Variants in LMF1 observed in about 807,000 individuals in gnomAD.
LMF1 encodes transmembrane protein 112.
In LMF1, 68 loss-of-function variants were observed where a neutral mutation model predicts 60.6. That is an observed-to-expected ratio of 1.12 (90% CI 0.92 to 1.37). The LOEUF is 1.37. Ranked by LOEUF, LMF1 falls within the 40% of genes most tolerant of loss-of-function variation. LMF1 has a pLI of 0.00. For synonymous variants in LMF1, 418 were observed against 324.7 expected (o/e 1.29, Z -3.09); for missense variants, 948 against 767.2 (o/e 1.24, Z -2.78).
chr16:871,271 A>G lies in LMF1; in HGVS notation c.968T>C (p.Phe323Ser). The change falls in exon 7 of 11, where the codon TTT becomes TCT. Residue 323 changes from phenylalanine (F) to serine (S), a missense_variant. Phe to Ser is a radical substitution (Grantham distance 155). Transcript: ENST00000262301. ...CAAGAATCCCAGGGTGGCGTCATCA[A>G]AGCAGGCCAGGCTGGGCACCATAGT... ...WLTMVPSLAC[F>S]DDATLGFLFP... The G allele has an allele frequency of 6.2e-7, 1 of 1,612,596 alleles. No individual in the cohort carries two copies. The highest frequency in any genetic ancestry group is 8.5e-7 in the Non-Finnish European group (1 of 1,179,810).
intron 3 of LMF1, among the ~76,000 whole-genome samples, chr16:915,325 C>T (rs1186081010): frequency 6.6e-6 from 1 of 152,192 alleles, no homozygotes; most frequent in Non-Finnish European, 1.5e-5. Flanking sequence ...CAGGGTGGTG[C>T]GGAGAGCCCT....
chr16:926,471 T>C (rs1195613399), intron 3 of LMF1, among the ~76,000 whole-genome samples: 1 of 152,236 alleles, frequency 6.6e-6, no homozygotes, highest in Admixed American at 6.5e-5. Context: ...CATACGTGTG[T>C]CTGTGTGTGC....
intron 2 of LMF1, among the ~76,000 whole-genome samples, chr16:942,615 G>A (rs142472754): frequency 0.013 from 1,769 of 139,476 alleles, 23 homozygotes; most frequent in South Asian, 0.099. Flanking sequence ...CATTCTCTGC[G>A]TCCTCTCTCT....
At chr16:971,094 A>C, upstream of LMF1, 11 of 1,075,216 alleles carry the variant, frequency 1.0e-5, no homozygotes, top group South Asian at 7.4e-5. Context: ...CCCCACCCAC[A>C]CCCCGGGAGG....
chr16:896,617 C>G (rs368697382), intron 4 of LMF1, among the ~76,000 whole-genome samples: 42 of 152,322 alleles, frequency 2.8e-4, no homozygotes, highest in African/African-American at 9.9e-4. Context: ...CCTCAAGGCG[C>G]TGCCCACACC....
At chr16:948,179 GAC>G (rs1233501754) in intron 2 of LMF1, among the ~76,000 whole-genome samples, 1 of 150,208 alleles carries the variant, frequency 6.7e-6, no homozygotes, top group Non-Finnish European at 1.5e-5. Context: ...GTCAGCCAAC[GAC>G]AGAGTCAGAG....
At chr16:922,295 C>A (rs112525762) in intron 3 of LMF1, among the ~76,000 whole-genome samples, 1 of 152,122 alleles carries the variant, frequency 6.6e-6, no homozygotes, top group African/African-American at 2.4e-5. Flanking sequence ...CAGCCACCTC[C>A]CGAGGGGGGC....
intron 4 of LMF1, among the ~76,000 whole-genome samples, chr16:909,520 G>A (rs919190831): frequency 6.6e-6 from 1 of 151,984 alleles, no homozygotes; most frequent in African/African-American, 2.4e-5. Flanking sequence ...ACAGAGCCAC[G>A]CTACACGCTA....
At chr16:931,727 G>A (rs2151783748) in intron 3 of LMF1, 3 of 1,287,200 alleles carry the variant, frequency 2.3e-6, no homozygotes, top group Non-Finnish European at 3.0e-6. Context: ...GGCAGGGAGA[G>A]CACTGCCGAA....
chr16:901,272 G>A (rs1358782493), intron 4 of LMF1: 1 of 152,196 alleles, frequency 6.6e-6, no homozygotes, highest in Non-Finnish European at 1.5e-5. Flanking sequence ...CAGTTCATCA[G>A]GAGGAAGTGA....
At chr16:855,875 G>A (rs777830075) in intron 10 of LMF1, 1 of 455,946 alleles carries the variant, frequency 2.2e-6, no homozygotes, top group African/African-American at 2.0e-5. Flanking sequence ...TGGAGACCTT[G>A]GGCCATGCCC....
At chr16:952,359 C>T (rs1237164249) in intron 2 of LMF1, among the ~76,000 whole-genome samples, 6 of 152,068 alleles carry the variant, frequency 3.9e-5, no homozygotes, top group African/African-American at 1.4e-4. Context: ...CTGCATGAGC[C>T]TGCAGGGCCT....
At chr16:879,514 G>C in intron 6 of LMF1, 56 bp downstream of exon 6, 4 of 1,584,672 alleles carry the variant, frequency 2.5e-6, no homozygotes, top group Non-Finnish European at 2.6e-6. Context: ...GCCAGAAATA[G>C]GGCGACGGGC....
At chr16:912,248 C>T (rs891204605) in intron 3 of LMF1, among the ~76,000 whole-genome samples, 1 of 152,038 alleles carries the variant, frequency 6.6e-6, no homozygotes, top group Non-Finnish European at 1.5e-5. Context: ...CATCTACACA[C>T]CACAGAGCAG....
In LMF1 at chr16:869,865, CCAGGGA is replaced by C. The variant is rs1403909728; in HGVS notation, c.1416+12_1416+17del. The C allele has an allele frequency of 1.9e-6, 3 of 1,606,524 alleles. No individual in the cohort carries two copies. Among genetic ancestry groups the C allele is most frequent in the Non-Finnish European group, 2.5e-6 (3 of 1,177,592 alleles). On this transcript the variant is annotated intron_variant, in intron 9 of 10. Coordinates refer to ENST00000262301, the MANE Select transcript of LMF1 (RefSeq NM_022773.4). ...GGGTACAGGCAGGTCCATGCGCCCG[CCAGGGA>C]CCGTCCCCCACCTGGAAGGCCGCGA...
intron 10 of LMF1, among the ~76,000 whole-genome samples, 165 bp downstream of exon 10, chr16:868,779 G>GGA (rs1567150048): frequency 7.8e-6 from 1 of 128,576 alleles, no homozygotes; most frequent in African/African-American, 3.7e-5. Context: ...TGTGGGGCGG[G>GGA]GGGGGGGGGC....
intron 1 of LMF1, among the ~76,000 whole-genome samples, chr16:978,223 CACACACCAT>C (rs1260310692): frequency 3.3e-5 from 5 of 151,702 alleles, no homozygotes; most frequent in Admixed American, 2.6e-4. Context: ...ACATACACAC[CACACACCAT>C]ACACACCATA....
chr16:976,977 G>C (rs1427527883), intron 1 of LMF1: 2 of 453,824 alleles, frequency 4.4e-6, no homozygotes, highest in South Asian at 3.1e-5. Context: ...GGCTGGAAAT[G>C]CTCGTCCTCC....
chr16:871,667 C>G, intron 6 of LMF1: 1 of 286,966 alleles, frequency 3.5e-6, no homozygotes, highest in Admixed American at 4.8e-5. Flanking sequence ...CCTGGAACTC[C>G]TCACTTTCAG....
Sources: allele counts gnomAD v4.1 joint callset (sites outside exome capture counted in the v4.1 genomes callset), GRCh38; gene constraint gnomAD v4.1.1; transcripts MANE v1.5; gene names NCBI Gene and HGNC (gene_info 2026-07-23, HGNC 2026-07-21).